Variants in EYS observed in about 807,000 individuals in gnomAD.
EYS encodes protein eyes shut homolog.
Under a neutral mutation model 282.1 loss-of-function variants are expected in EYS, and 250 were observed. The ratio of observed to expected loss-of-function variants is 0.89; its 90% confidence interval spans 0.80 to 0.98. EYS has a LOEUF of 0.98. Among genes scored for constraint, EYS ranks in the 50% least tolerant of loss-of-function variants. The pLI, the probability that EYS is intolerant of heterozygous loss-of-function variation, is 0.00. For missense variants in EYS, 4,016 were observed against 3,709.0 expected, an observed-to-expected ratio of 1.08 and a Z score of -2.15; for synonymous variants, 1,355 against 1,282.9, an observed-to-expected ratio of 1.06 and a Z score of -1.20.
At chr6:64,668,306 A>T (rs995534035) in intron 22 of EYS, among the ~76,000 whole-genome samples, 4 of 152,186 alleles carry the variant, frequency 2.6e-5, no homozygotes, top group East Asian at 3.9e-4. Context: ...TTTCATGATA[A>T]CATTTTGTGT....
chr6:64,790,051 C>A (rs1375274341), intron 22 of EYS, among the ~76,000 whole-genome samples: 3 of 151,848 alleles, frequency 2.0e-5, no homozygotes, highest in Non-Finnish European at 4.4e-5. Context: ...CATTTATCAT[C>A]ATATTGATTT....
intron 35 of EYS, among the ~76,000 whole-genome samples, chr6:63,946,489 T>A (rs945285898): frequency 6.6e-6 from 1 of 152,168 alleles, no homozygotes; most frequent in Non-Finnish European, 1.5e-5. Context: ...TTTCTGGTAA[T>A]CCTATTCACT....
At chr6:64,907,464 T>A (rs903432097) in intron 16 of EYS, among the ~76,000 whole-genome samples, 5 of 152,158 alleles carry the variant, frequency 3.3e-5, no homozygotes, top group Non-Finnish European at 2.9e-5. Flanking sequence ...GCCATTACTC[T>A]AATGGCCATA....
At chr6:64,528,617 C>T (rs141318825) in intron 26 of EYS, among the ~76,000 whole-genome samples, 2,473 of 152,058 alleles carry the variant, frequency 0.016, 23 homozygotes, top group South Asian at 0.035. Flanking sequence ...ATTCCCATTA[C>T]TTATTTAGTA....
In EYS at chr6:65,678,942, T is replaced by TCAAAA. The variant is rs138190826; in HGVS notation, c.-448+28188_-448+28192dup. On this transcript the variant is annotated intron_variant, in intron 1 of 42. Coordinates refer to ENST00000503581, the MANE Select transcript of EYS (RefSeq NM_001142800.2). ...TCATCCCTCTTATAGATGGCCGACA[T>TCAAAA]CAAAACAAAACAAAACAGAAAATAA... 4.9e-3 allele frequency among the ~76,000 whole-genome samples: 743 copies of TCAAAA among 151,440 alleles called. 6 individuals are homozygous for TCAAAA. Among genetic ancestry groups the TCAAAA allele is most frequent in the African/African-American group, 0.017 (699 of 41,330 alleles).
chr6:64,661,852 A>T (rs1447623031), intron 22 of EYS, among the ~76,000 whole-genome samples: 2 of 138,876 alleles, frequency 1.4e-5, no homozygotes. Flanking sequence ...AGAACTAGAA[A>T]TACCATTTGA....
intron 33 of EYS, among the ~76,000 whole-genome samples, chr6:64,025,165 G>A (rs1769428798): frequency 6.6e-6 from 1 of 152,134 alleles, no homozygotes; most frequent in African/African-American, 2.4e-5. Flanking sequence ...TAGTGCGGCT[G>A]CCGGACTAAA....
intron 1 of EYS, among the ~76,000 whole-genome samples, chr6:65,653,893 T>C (rs1767735567): frequency 6.6e-6 from 1 of 151,948 alleles, no homozygotes; most frequent in African/African-American, 2.4e-5. Context: ...GGAAGGCAAC[T>C]TCCAGAAGCA....
chr6:64,178,076 G>C (rs1467977322), intron 31 of EYS, among the ~76,000 whole-genome samples: 1 of 152,034 alleles, frequency 6.6e-6, no homozygotes, highest in African/African-American at 2.4e-5. Context: ...TTCTTCCTTG[G>C]AATAAAAACC....
chr6:63,992,972 A>G (rs1365500283), intron 34 of EYS, among the ~76,000 whole-genome samples: 1 of 151,722 alleles, frequency 6.6e-6, no homozygotes, highest in Non-Finnish European at 1.5e-5. Context: ...TTCGCTTGAG[A>G]TCTGATGGTT....
chr6:64,626,535 A>G (rs921890255), intron 22 of EYS, among the ~76,000 whole-genome samples: 1 of 152,098 alleles, frequency 6.6e-6, no homozygotes, highest in African/African-American at 2.4e-5. Flanking sequence ...CTCTAAATCC[A>G]GTGACAAGTG....
intron 1 of EYS, among the ~76,000 whole-genome samples, chr6:65,704,502 CAAAG>C (rs914929443): frequency 4.7e-4 from 71 of 152,282 alleles, no homozygotes; most frequent in African/African-American, 1.7e-3. Context: ...TTTACTTGTT[CAAAG>C]AAAGAATGTG....
chr6:63,992,943 G>T (rs1276984333), intron 34 of EYS, among the ~76,000 whole-genome samples: 1 of 151,758 alleles, frequency 6.6e-6, no homozygotes, highest in Non-Finnish European at 1.5e-5. Flanking sequence ...TTCCCATGCT[G>T]TTCTTGTGAA....
intron 19 of EYS, among the ~76,000 whole-genome samples, chr6:64,867,524 T>C (rs929196765): frequency 2.0e-5 from 3 of 151,724 alleles, no homozygotes; most frequent in African/African-American, 7.2e-5. Flanking sequence ...CAAAAATCTG[T>C]CCATGTCCTC....
intron 1 of EYS, among the ~76,000 whole-genome samples, chr6:65,699,082 T>C (rs941601166): frequency 2.0e-5 from 3 of 152,208 alleles, no homozygotes; most frequent in African/African-American, 7.2e-5. Flanking sequence ...CCAATCTTTC[T>C]TACCATTTGG....
chr6:65,506,481 T>C (rs1766663116), intron 2 of EYS, among the ~76,000 whole-genome samples: 2 of 116,822 alleles, frequency 1.7e-5, no homozygotes, highest in African/African-American at 3.5e-5. Context: ...TTTTTTTTTT[T>C]TTTTTTTTTT....
At chr6:64,612,985 A>T (rs1241924801) in intron 24 of EYS, among the ~76,000 whole-genome samples, 4 of 152,140 alleles carry the variant, frequency 2.6e-5, no homozygotes, top group Non-Finnish European at 5.9e-5. Flanking sequence ...ACAAATTGTT[A>T]GGTAAAAGCC....
chr6:65,545,963 T>A (rs1231515331), intron 2 of EYS, among the ~76,000 whole-genome samples: 2 of 152,042 alleles, frequency 1.3e-5, no homozygotes, highest in Non-Finnish European at 2.9e-5. Context: ...CTTATAAGCA[T>A]CTTGGCAAAC....
At chr6:64,630,182 G>A (rs771947532) in intron 22 of EYS, among the ~76,000 whole-genome samples, 87 of 152,034 alleles carry the variant, frequency 5.7e-4, no homozygotes, top group Non-Finnish European at 9.1e-4. Flanking sequence ...TGCAAACTCC[G>A]CCACCCAGGT....
Sources: gnomAD v4.1 joint callset for allele counts (sites outside exome capture counted in the v4.1 genomes callset) on GRCh38, gnomAD v4.1.1 for gene constraint, MANE v1.5 for transcripts, NCBI Gene and HGNC (gene_info 2026-07-23, HGNC 2026-07-21) for gene names.